PDK1: variants seen among roughly 807,000 people sequenced by gnomAD.
PDK1 encodes the protein pyruvate dehydrogenase kinase 1.
A neutral mutation model predicts 54.2 loss-of-function variants in PDK1; 39 were observed. The observed-to-expected ratio is 0.72, with a 90% CI of 0.56 to 0.94. The LOEUF (loss-of-function observed/expected upper bound fraction) is 0.94. Ranked by LOEUF, PDK1 falls within the 40% of genes least tolerant of loss-of-function variation. The pLI is 0.00. For missense variants in PDK1, 552 were observed against 566.0 expected (o/e 0.98, Z 0.25); for synonymous variants, 221 against 207.1 (o/e 1.07, Z -0.58).
the PDK1 span, among the ~76,000 whole-genome samples, chr2:172,651,442 A>G: frequency 6.6e-6 from 1 of 152,210 alleles, no homozygotes; most frequent in Non-Finnish European, 1.5e-5. Flanking sequence ...AACACATTCA[A>G]AAGCTAGCAG....
intron 1 of PDK1, among the ~76,000 whole-genome samples, chr2:172,556,829 GTGGC>G (rs1305581249): frequency 6.6e-6 from 1 of 152,230 alleles, no homozygotes; most frequent in Non-Finnish European, 1.5e-5. Context: ...TTCCTTGCCA[GTGGC>G]TTAAAACTGT....
At chr2:172,674,378 C>G in the PDK1 span, 1 of 152,508 alleles carries the variant, frequency 6.6e-6, no homozygotes, top group Non-Finnish European at 1.5e-5. Flanking sequence ...TTGAGGTCAG[C>G]CGGGTGGATA....
chr2:172,659,257 G>C, the PDK1 span, among the ~76,000 whole-genome samples: 145 of 152,202 alleles, frequency 9.5e-4, 1 homozygote, highest in African/African-American at 3.2e-3. Flanking sequence ...GGTTTCCCCC[G>C]ATAAAACCAC....
At chr2:172,594,142 G>A (rs1411007074) in intron 10 of PDK1, among the ~76,000 whole-genome samples, 2 of 150,706 alleles carry the variant, frequency 1.3e-5, no homozygotes, top group Non-Finnish European at 3.0e-5. Context: ...GGTTCAAGCT[G>A]TTCTCCTGCC....
chr2:172,617,963 A>G, the PDK1 span, among the ~76,000 whole-genome samples: 2 of 152,204 alleles, frequency 1.3e-5, no homozygotes, highest in Non-Finnish European at 2.9e-5. Context: ...AACATATTTC[A>G]TGTTAGAACC....
intron 2 of PDK1, among the ~76,000 whole-genome samples, chr2:172,561,685 CTT>C (rs1688661903): frequency 6.6e-6 from 1 of 152,134 alleles, no homozygotes; most frequent in South Asian, 2.1e-4. Flanking sequence ...ATTTTTATGA[CTT>C]TTGTGTTTTT....
chr2:172,620,292 T>G, the PDK1 span, among the ~76,000 whole-genome samples: 7 of 152,250 alleles, frequency 4.6e-5, no homozygotes, highest in East Asian at 9.7e-4. Flanking sequence ...GAATAAGATT[T>G]AAGAATGGGA....
At chr2:172,644,266 A>G in the PDK1 span, among the ~76,000 whole-genome samples, 1 of 152,240 alleles carries the variant, frequency 6.6e-6, no homozygotes, top group Non-Finnish European at 1.5e-5. Flanking sequence ...GCTGCGACAT[A>G]AAATCAGCCC....
chr2:172,663,288 A>G, the PDK1 span, among the ~76,000 whole-genome samples: 4 of 152,056 alleles, frequency 2.6e-5, no homozygotes, highest in Admixed American at 6.5e-5. Flanking sequence ...GCCCATCCTA[A>G]TGGCCTCCTC....
At chr2:172,627,623 GC>G in the PDK1 span, among the ~76,000 whole-genome samples, 2 of 151,868 alleles carry the variant, frequency 1.3e-5, no homozygotes, top group Non-Finnish European at 2.9e-5. Context: ...AGGCCTGTGG[GC>G]CCCCCCGAAG....
chr2:172,559,299 C>T (rs1688531060), intron 2 of PDK1, among the ~76,000 whole-genome samples: 1 of 152,112 alleles, frequency 6.6e-6, no homozygotes, highest in African/African-American at 2.4e-5. Flanking sequence ...CAGGTGGGGG[C>T]AATGTATTTG....
the PDK1 span, among the ~76,000 whole-genome samples, chr2:172,632,991 A>AAAAAAAAAAAAAAAAAAACAAAAAAC: frequency 1.8e-4 from 26 of 147,580 alleles, no homozygotes; most frequent in African/African-American, 6.5e-4. Context: ...AAAAAAAAAA[A>AAAAAAAAAAAAAAAAAAACAAAAAAC]AAGGAACATA....
downstream of PDK1, among the ~76,000 whole-genome samples, chr2:172,609,228 T>C (rs2149328512): frequency 6.6e-6 from 1 of 152,260 alleles, no homozygotes; most frequent in Middle Eastern, 3.4e-3. Context: ...AGAAAATGAT[T>C]GTTAAGTGGA....
the PDK1 span, among the ~76,000 whole-genome samples, chr2:172,690,788 G>A: frequency 2.8e-4 from 42 of 148,358 alleles, no homozygotes; most frequent in African/African-American, 1.0e-3. Flanking sequence ...ACTCATAGAT[G>A]GGAATTGAAC....
chr2:172,720,522 AC>A, the PDK1 span, among the ~76,000 whole-genome samples: 1 of 152,212 alleles, frequency 6.6e-6, no homozygotes, highest in Admixed American at 6.5e-5. Flanking sequence ...ATTGCTTGTT[AC>A]CCAGTATTGC....
intron 6 of PDK1, among the ~76,000 whole-genome samples, chr2:172,568,327 C>CAAAAAAAAAAA (rs11400625): frequency 1.8e-5 from 1 of 57,108 alleles, no homozygotes; most frequent in African/African-American, 6.4e-5. Flanking sequence ...GACTCCGTCT[C>CAAAAAAAAAAA]AAAAAAAAAA....
chr2:172,566,366 C>G (rs564129321), intron 5 of PDK1, among the ~76,000 whole-genome samples: 1 of 152,188 alleles, frequency 6.6e-6, no homozygotes, highest in Non-Finnish European at 1.5e-5. Flanking sequence ...ACCAGCCTGG[C>G]CAACATGGTG....
chr2:172,628,352 A>G, the PDK1 span, among the ~76,000 whole-genome samples: 4 of 152,344 alleles, frequency 2.6e-5, no homozygotes, highest in South Asian at 8.3e-4. Context: ...CCGGGCTAAT[A>G]GAACCCATTT....
At chr2:172,556,513 T>G in intron 1 of PDK1, 167 bp downstream of exon 1, 1 of 469,572 alleles carries the variant, frequency 2.1e-6, no homozygotes, top group Non-Finnish European at 3.6e-6. Flanking sequence ...CCCTCCGAAG[T>G]GCCGGCGCTG....
Sources: gnomAD v4.1 joint callset for allele counts (sites outside exome capture counted in the v4.1 genomes callset) on GRCh38, gnomAD v4.1.1 for gene constraint, MANE v1.5 for transcripts, NCBI Gene and HGNC (gene_info 2026-07-23, HGNC 2026-07-21) for gene names.